Variants in AKAP13 observed in about 807,000 individuals in gnomAD.
AKAP13 encodes the protein A-kinase anchor protein 13.
In AKAP13, 80 loss-of-function variants were observed where a neutral mutation model predicts 264.5. That is an observed-to-expected ratio of 0.30 (90% CI 0.25 to 0.36). The LOEUF (loss-of-function observed/expected upper bound fraction) is 0.36, where lower values mean the gene tolerates loss of function less well. Among genes scored for constraint, AKAP13 ranks in the 10% least tolerant of loss-of-function variants. AKAP13 has a pLI of 1.00. For missense variants in AKAP13, 3,712 were observed against 3,435.2 expected, an observed-to-expected ratio of 1.08 and a Z score of -2.01; for synonymous variants, 1,380 against 1,250.2, an observed-to-expected ratio of 1.10 and a Z score of -2.19.
intron 8 of AKAP13, among the ~76,000 whole-genome samples, chr15:85,598,563 G>A (rs768420260): frequency 2.6e-5 from 4 of 152,168 alleles, no homozygotes; most frequent in Admixed American, 1.3e-4. Flanking sequence ...TGTTACTCTT[G>A]TGCATTTCCA....
intron 17 of AKAP13, among the ~76,000 whole-genome samples, chr15:85,702,960 G>C (rs1279265686): frequency 6.6e-6 from 1 of 152,236 alleles, no homozygotes; most frequent in Admixed American, 6.5e-5. Flanking sequence ...GGTCTTGCCA[G>C]TGGTTCTGTT....
intron 30 of AKAP13, among the ~76,000 whole-genome samples, chr15:85,732,460 A>T (rs2088117337): frequency 2.2e-5 from 1 of 44,456 alleles, no homozygotes; most frequent in African/African-American, 5.0e-5. Context: ...TATATAACAT[A>T]ATATAACATT....
Position 85,639,157 on chromosome 15 carries a change from G to C in AKAP13, c.4162-217G>C, listed in dbSNP as rs370531836. Among the ~76,000 whole-genome samples the C allele has an allele frequency of 2.6e-5, 4 of 151,950 alleles. No homozygotes were observed. In the East Asian group the frequency reaches 5.8e-4, roughly 22 times the overall value. On this transcript the variant is annotated intron_variant, in intron 8 of 36. Coordinates refer to ENST00000394518, the MANE Select transcript of AKAP13 (RefSeq NM_007200.5). ...TCGTGTATCTTTTCTTATTGCTTTT[G>C]TATGCCTAATTTTTATTGACAACCT... is the stretch of plus-strand genomic sequence containing the variant.
At chr15:85,610,285 T>G (rs775035109) in intron 8 of AKAP13, among the ~76,000 whole-genome samples, 1 of 152,232 alleles carries the variant, frequency 6.6e-6, no homozygotes, top group Non-Finnish European at 1.5e-5. Flanking sequence ...AAAAGGAGTT[T>G]CTCACTTGTT....
chr15:85,598,158 G>A (rs1191337560), intron 8 of AKAP13, among the ~76,000 whole-genome samples: 2 of 151,980 alleles, frequency 1.3e-5, no homozygotes, highest in East Asian at 3.9e-4. Flanking sequence ...TTGAATCAAG[G>A]GGCCTGAAGA....
At chr15:85,646,145 C>T (rs2082550046) in intron 10 of AKAP13, among the ~76,000 whole-genome samples, 191 bp downstream of exon 10, 1 of 152,138 alleles carries the variant, frequency 6.6e-6, no homozygotes, top group South Asian at 2.1e-4. Context: ...TGTAAATGTT[C>T]TTTGGAGAAG....
intron 1 of AKAP13, among the ~76,000 whole-genome samples, chr15:85,440,713 C>G (rs939105083): frequency 2.0e-5 from 3 of 152,170 alleles, no homozygotes; most frequent in African/African-American, 7.2e-5. Flanking sequence ...TTCCTTTTTG[C>G]TATGAAAGCT....
At chr15:85,700,900 TAAAG>T (rs2085872974) in intron 17 of AKAP13, among the ~76,000 whole-genome samples, 1 of 152,164 alleles carries the variant, frequency 6.6e-6, no homozygotes, top group Non-Finnish European at 1.5e-5. Flanking sequence ...CAAAATTAAA[TAAAG>T]AAATTAGAGG....
At chr15:85,738,972 G>A (rs1378961367) in intron 33 of AKAP13, among the ~76,000 whole-genome samples, 1 of 151,980 alleles carries the variant, frequency 6.6e-6, no homozygotes, top group Non-Finnish European at 1.5e-5. Flanking sequence ...ACTTCGTAGA[G>A]CTTCATATCT....
At chr15:85,420,011 A>G (rs1290028509) in intron 1 of AKAP13, among the ~76,000 whole-genome samples, 20 of 131,112 alleles carry the variant, frequency 1.5e-4, no homozygotes, top group South Asian at 9.2e-4. Context: ...GCGGGATCTC[A>G]GCTCACTGCA....
chr15:85,675,446 T>C (rs986289468), intron 14 of AKAP13, among the ~76,000 whole-genome samples: 1 of 152,194 alleles, frequency 6.6e-6, no homozygotes, highest in Non-Finnish European at 1.5e-5. Flanking sequence ...TCTCATTTCA[T>C]TTAGGACATT....
At chr15:85,675,976 A>G (rs1225457407) in intron 14 of AKAP13, among the ~76,000 whole-genome samples, 2 of 151,794 alleles carry the variant, frequency 1.3e-5, no homozygotes, top group African/African-American at 4.8e-5. Context: ...TAGTGGCGCT[A>G]TCTCGGCTCA....
chr15:85,744,325 T>TCCTTCTCTTTAGG (rs1307633863), intron 36 of AKAP13: 7 of 362,344 alleles, frequency 1.9e-5, no homozygotes, highest in Non-Finnish European at 3.5e-5. Context: ...TTCCCCTGAA[T>TCCTTCTCTTTAGG]CCTTCTCTTT....
chr15:85,465,373 TAA>T (rs2074692190), intron 1 of AKAP13, among the ~76,000 whole-genome samples: 1 of 152,066 alleles, frequency 6.6e-6, no homozygotes, highest in South Asian at 2.1e-4. Context: ...TATTATACTT[TAA>T]GTTTTAGGGT....
chr15:85,405,140 T>C (rs1298975237), intron 1 of AKAP13, among the ~76,000 whole-genome samples: 2 of 152,226 alleles, frequency 1.3e-5, no homozygotes, highest in Non-Finnish European at 2.9e-5. Flanking sequence ...TGTGTTTTAA[T>C]CGATTCAGAC....
chr15:85,735,273 C>G, intron 31 of AKAP13, 123 bp downstream of exon 31: 1 of 1,276,544 alleles, frequency 7.8e-7, no homozygotes, highest in Non-Finnish European at 1.1e-6. Flanking sequence ...AGTGAGATTT[C>G]AAGACACTCA....
chr15:85,672,296 C>T (rs1427922115), intron 14 of AKAP13, among the ~76,000 whole-genome samples: 2 of 152,220 alleles, frequency 1.3e-5, no homozygotes, highest in Non-Finnish European at 2.9e-5. Context: ...GACCCATCAA[C>T]CTTAATGTCA....
intron 2 of AKAP13, chr15:85,520,769 A>T (rs1596407552): frequency 3.9e-6 from 2 of 513,602 alleles, no homozygotes; most frequent in East Asian, 1.1e-4. Context: ...TGTGTTGTTT[A>T]AACTATGGGG....
intron 1 of AKAP13, among the ~76,000 whole-genome samples, chr15:85,411,245 T>A (rs1038214171): frequency 1.3e-5 from 2 of 152,132 alleles, no homozygotes; most frequent in Non-Finnish European, 2.9e-5. Flanking sequence ...GTACTGTGAG[T>A]GAGAAATAAT....
Sources: gnomAD v4.1 joint callset for allele counts (sites outside exome capture counted in the v4.1 genomes callset) on GRCh38, gnomAD v4.1.1 for gene constraint, MANE v1.5 for transcripts, NCBI Gene and HGNC (gene_info 2026-07-23, HGNC 2026-07-21) for gene names.